Variants in OR5AS1 observed in about 807,000 individuals in gnomAD.
The protein encoded by OR5AS1 is olfactory receptor 5AS1.
For synonymous variants in OR5AS1, 196 were observed against 141.7 expected (o/e 1.38, Z -2.72); for missense variants, 492 against 378.2 (o/e 1.30, Z -2.50).
chr11:56,030,008 A>G (rs150762146), intron 1 of OR5AS1, among the ~76,000 whole-genome samples: 83 of 152,216 alleles, frequency 5.5e-4, no homozygotes, highest in Non-Finnish European at 8.4e-4. Flanking sequence ...CTTTATGTAG[A>G]AGAATGTGAT....
In OR5AS1 at chr11:56,031,435, A is replaced by C. The variant is rs1853350966; in HGVS notation, c.*42A>C. On this transcript the variant is annotated 3_prime_UTR_variant, in exon 2 of 2. Coordinates refer to ENST00000641320, the MANE Select transcript of OR5AS1 (RefSeq NM_001001921.2). ...CATAAACAGCAATTATGCCATGAACATCTTATGTGTTAACTATTTTAAATT... is the reference window on the plus strand; with the variant it reads ...CATAAACAGCAATTATGCCATGAACCTCTTATGTGTTAACTATTTTAAATT... The C allele has an allele frequency of 7.5e-7, 1 of 1,334,330 alleles. No homozygotes were observed. The highest frequency in any genetic ancestry group is 2.3e-5 in the East Asian group (1 of 43,278). The allele number at this position is 1,334,330 out of a possible 1,614,324, so 82.7% of individuals were successfully genotyped here.
Position 56,030,581 on chromosome 11 carries a change from C to A in OR5AS1, c.163C>A (p.Leu55Ile). 6.5e-7 allele frequency: 1 copy of A among 1,546,162 alleles called. No homozygotes were observed. Among genetic ancestry groups the A allele is most frequent in the Non-Finnish European group, 8.7e-7 (1 of 1,146,474 alleles). Reference protein sequence around the residue: ...LIILVNINSSLQIPMYYFLSN... With the variant: ...LIILVNINSSIQIPMYYFLSN... ...AATTCTAGTTAATATTAATTCAAGCCTTCAAATTCCCATGTATTATTTTCT... is the reference window on the plus strand; with the variant it reads ...AATTCTAGTTAATATTAATTCAAGCATTCAAATTCCCATGTATTATTTTCT... Residue 55 changes from leucine (L) to isoleucine (I), a missense_variant, in exon 2 of 2, where the codon CTT becomes ATT. Transcript: ENST00000641320.
chr11:56,031,604 T>C lies in OR5AS1; in HGVS notation c.*211T>C, dbSNP rs545641708. 26 of 394,290 alleles carry C rather than the reference T, an allele frequency of 6.6e-5. No homozygotes were observed. The South Asian group carries it at 1.2e-3, about 17-fold the overall frequency. The allele number at this position is 394,290 out of a possible 1,614,324, so 24.4% of individuals were successfully genotyped here. Reference sequence around the variant, plus strand: ...ATAGTCATTATTTATATCCAATTAGTGTTTCTAAAATGCTTTGTACATTGA... The same window carrying C: ...ATAGTCATTATTTATATCCAATTAGCGTTTCTAAAATGCTTTGTACATTGA... On this transcript the variant is annotated 3_prime_UTR_variant, in exon 2 of 2. Coordinates refer to ENST00000641320, the MANE Select transcript of OR5AS1 (RefSeq NM_001001921.2).
rs201208480 is a variant in OR5AS1, at chr11:56,031,910, T to C, written c.*517T>C. 1.3e-5 allele frequency: 2 copies of C among 152,944 alleles called. No homozygotes were observed. Among genetic ancestry groups the C allele is most frequent in the East Asian group, 1.9e-4 (1 of 5,202 alleles). The allele number at this position is 152,944 out of a possible 1,614,324, so 9.5% of individuals were successfully genotyped here. ...GTAACCTCAGACATAAATTTAAGTA[T>C]GGATGGAGGGATGGATAGATGGATA... On this transcript the variant is annotated 3_prime_UTR_variant, in exon 2 of 2. Transcript: ENST00000641320.
chr11:56,030,908 T>C lies in OR5AS1; in HGVS notation c.490T>C (p.Phe164Leu), dbSNP rs1333462561. 4.3e-6 allele frequency: 7 copies of C among 1,614,050 alleles called. No homozygotes were observed. In the Admixed American group the frequency reaches 1.2e-4, roughly 27 times the overall value. The change falls in exon 2 of 2, where the codon TTC becomes CTC. Residue 164 changes from phenylalanine (F) to leucine (L), a missense_variant. Transcript: ENST00000641320. ...TTSLVHVCLTFRLSFCGSNIV... is the reference protein window; with the variant it reads ...TTSLVHVCLTLRLSFCGSNIV... ...ATCACTGGTCCATGTGTGCCTCACA[T>C]TCAGGCTGTCATTTTGTGGCTCCAA... is the stretch of plus-strand genomic sequence containing the variant.
chr11:56,029,073 C>T (rs1853322111), intron 1 of OR5AS1, among the ~76,000 whole-genome samples: 1 of 152,020 alleles, frequency 6.6e-6, no homozygotes, highest in African/African-American at 2.4e-5. Context: ...TCTGAGTTCA[C>T]AAAGAAGGCT....
Position 56,033,677 on chromosome 11 carries a change from G to A in OR5AS1, c.*2284G>A, listed in dbSNP as rs1319366284. 6.6e-6 allele frequency: 1 copy of A among 152,188 alleles called. No homozygotes were observed. The highest frequency in any genetic ancestry group is 2.4e-5 in the African/African-American group (1 of 41,386). 9.4% of individuals were successfully genotyped at this position (152,188 alleles called of 1,614,324 possible). A position where few individuals can be genotyped will look rare whatever the true frequency, so the allele number is the denominator to read the frequency against. ...TCCCCCTGAGACAGAGCACCTTAAG[G>A]AAGGGATGGCTGTGGGTGCAGCTTC... is the stretch of plus-strand genomic sequence containing the variant. On this transcript the variant is annotated 3_prime_UTR_variant, in exon 2 of 2. Coordinates refer to ENST00000641320, the MANE Select transcript of OR5AS1 (RefSeq NM_001001921.2).
rs1853352132 is a variant in OR5AS1 at position 56,031,559 on chromosome 11, A to G, written c.*166A>G. 1 of 517,920 alleles carries G rather than the reference A, an allele frequency of 1.9e-6. No homozygotes were observed. The highest frequency in any genetic ancestry group is 3.2e-5 in the South Asian group (1 of 31,636). The allele number at this position is 517,920 out of a possible 1,614,324, so 32.1% of individuals were successfully genotyped here. ...TGTTCTCTCCACAATTCTACTCTAT[A>G]AAACATTACCTAATTAAACATAGTC... On this transcript the variant is annotated 3_prime_UTR_variant, in exon 2 of 2. Transcript: ENST00000641320.
intron 1 of OR5AS1, among the ~76,000 whole-genome samples, chr11:56,029,900 A>T (rs1853330093): frequency 6.6e-6 from 1 of 152,106 alleles, no homozygotes; most frequent in African/African-American, 2.4e-5. Context: ...CATGCTCTTA[A>T]CTACCACGTT....
Position 56,036,970 on chromosome 11 carries a change from A to G in OR5AS1, c.*5577A>G, listed in dbSNP as rs907821739. 1 of 152,168 alleles carries G rather than the reference A, an allele frequency of 6.6e-6. No individual in the cohort carries two copies. The highest frequency in any genetic ancestry group is 1.9e-4 in the East Asian group (1 of 5,204). The allele number at this position is 152,168 out of a possible 1,614,324, so 9.4% of individuals were successfully genotyped here. Reference sequence around the variant, plus strand: ...TGCAAGGCTGGCTTAACATACGCAAATCAATAAACGTAACCCATCTCATAA... The same window carrying G: ...TGCAAGGCTGGCTTAACATACGCAAGTCAATAAACGTAACCCATCTCATAA... On this transcript the variant is annotated 3_prime_UTR_variant, in exon 2 of 2. Transcript: ENST00000641320.
chr11:56,031,014 T>C lies in OR5AS1; in HGVS notation c.596T>C (p.Leu199Pro), dbSNP rs1364149484. The stretch of plus-strand genomic sequence containing the variant: ...GACACTCAGATCAACCAGCTTCTGC[T>C]CTTTGCTTTGTGCAGCTTCATCCAG... Reference protein sequence around the residue: ...CTDTQINQLLLFALCSFIQTS... With the variant: ...CTDTQINQLLPFALCSFIQTS... The change falls in exon 2 of 2, where the codon CTC becomes CCC. Residue 199 changes from leucine (L) to proline (P), a missense_variant. Leu to Pro is a moderately conservative substitution (Grantham distance 98). Coordinates refer to ENST00000641320, the MANE Select transcript of OR5AS1 (RefSeq NM_001001921.2). The C allele has an allele frequency of 1.2e-6, 2 of 1,614,178 alleles. No individual in the cohort carries two copies. Among genetic ancestry groups the C allele is most frequent in the Non-Finnish European group, 1.7e-6 (2 of 1,180,032 alleles).
rs1330106101 is a variant in OR5AS1 at position 56,030,654 on chromosome 11, C to G, written c.236C>G (p.Pro79Arg). Residue 79 changes from proline (P) to arginine (R), a missense_variant, in exon 2 of 2, where the codon CCT (proline) becomes CGT (arginine). By Grantham distance (103) the Pro-to-Arg change is moderately radical. Transcript: ENST00000641320. ...ATCAGCTGTTCTACAGCAATCACTC[C>G]TAAAATGCTGGCAAACTTCTTGGCA... ...LDISCSTAIT[P>R]KMLANFLASR... is the part of the protein sequence containing the mutation. 3 of 1,579,488 alleles carry G rather than the reference C, an allele frequency of 1.9e-6. No individual in the cohort carries two copies. Among genetic ancestry groups the G allele is most frequent in the South Asian group, 2.3e-5 (2 of 85,646 alleles).
rs1853372158 is a variant in OR5AS1, at chr11:56,033,459, C to T, written c.*2066C>T. Reference sequence around the variant, plus strand: ...GTTGGAGGAGGAGAGTCCGCCATTGCTGAGGCTTCAGTAGGCAGTTTTCCC... The same window carrying T: ...GTTGGAGGAGGAGAGTCCGCCATTGTTGAGGCTTCAGTAGGCAGTTTTCCC... On this transcript the variant is annotated 3_prime_UTR_variant, in exon 2 of 2. Coordinates refer to ENST00000641320, the MANE Select transcript of OR5AS1 (RefSeq NM_001001921.2). 2 of 152,410 alleles carry T rather than the reference C, an allele frequency of 1.3e-5. No homozygotes were observed. Among genetic ancestry groups the T allele is most frequent in the Admixed American group, 1.3e-4 (2 of 15,290 alleles). The allele number at this position is 152,410 out of a possible 1,614,324, so 9.4% of individuals were successfully genotyped here.
Position 56,036,769 on chromosome 11 carries a change from A to G in OR5AS1, c.*5376A>G, listed in dbSNP as rs915007534. The G allele has an allele frequency of 6.6e-6, 1 of 152,144 alleles. No homozygotes were observed. The highest frequency in any genetic ancestry group is 1.5e-5 in the Non-Finnish European group (1 of 68,044). The allele number at this position is 152,144 out of a possible 1,614,324, so 9.4% of individuals were successfully genotyped here. A position where few individuals can be genotyped will look rare whatever the true frequency, so the allele number is the denominator to read the frequency against. On this transcript the variant is annotated 3_prime_UTR_variant, in exon 2 of 2. Transcript: ENST00000641320. ...GAGAGGCTCCTCCCTAACTCATTTT[A>G]TGCGGCCAGCATCATCCTGATATGA...
chr11:56,027,938 G>A (rs1452572516), intron 1 of OR5AS1, among the ~76,000 whole-genome samples: 5 of 134,190 alleles, frequency 3.7e-5, no homozygotes, highest in African/African-American at 1.0e-4. Flanking sequence ...AAAATGTCAC[G>A]CCCAATTCGT....
In OR5AS1 at chr11:56,033,092, G is replaced by C. The variant is rs556050015; in HGVS notation, c.*1699G>C. 17 of 152,386 alleles carry C rather than the reference G, an allele frequency of 1.1e-4. No homozygotes were observed. The highest frequency in any genetic ancestry group is 1.9e-4 in the Non-Finnish European group (13 of 68,274). The allele number at this position is 152,386 out of a possible 1,614,324, so 9.4% of individuals were successfully genotyped here. On this transcript the variant is annotated 3_prime_UTR_variant, in exon 2 of 2. Coordinates refer to ENST00000641320, the MANE Select transcript of OR5AS1 (RefSeq NM_001001921.2). The stretch of plus-strand genomic sequence containing the variant: ...TGCCATGAGGAACGGGTGCACTCTG[G>C]CCCAGATACTATGCTTTTCCCATCG...
chr11:56,031,234 G>A lies in OR5AS1; in HGVS notation c.816G>A (p.Lys272=). The A allele has an allele frequency of 6.2e-7, 1 of 1,613,590 alleles. No homozygotes were observed. Among genetic ancestry groups the A allele is most frequent in the South Asian group, 1.1e-5 (1 of 91,074 alleles). Residue 272 remains lysine (K), a synonymous_variant, in exon 2 of 2, where the codon AAG becomes AAA. Transcript: ENST00000641320. ...PTTSYSLDTD[K]VVAVFYTVVF... ...CTAGCTATTCCCTAGACACTGATAA[G>A]GTGGTGGCAGTGTTTTATACTGTTG...
Position 56,034,443 on chromosome 11 carries a change from G to T in OR5AS1, c.*3050G>T, listed in dbSNP as rs1330466894. 1.3e-5 allele frequency: 2 copies of T among 151,964 alleles called. No individual in the cohort carries two copies. The highest frequency in any genetic ancestry group is 1.5e-5 in the Non-Finnish European group (1 of 68,010). 9.4% of individuals were successfully genotyped at this position (151,964 alleles called of 1,614,324 possible). On this transcript the variant is annotated 3_prime_UTR_variant, in exon 2 of 2. Transcript: ENST00000641320. ...TAACCTGATGGAGCTGAAAAACACA[G>T]CACGAGAACTTCATGAAGCATACAC... is the stretch of plus-strand genomic sequence containing the variant.
chr11:56,031,180 G>C lies in OR5AS1; in HGVS notation c.762G>C (p.Ala254=), dbSNP rs146891393. The change falls in exon 2 of 2, where the codon GCG becomes GCC. Residue 254 remains alanine (A), a synonymous_variant. Coordinates refer to ENST00000641320, the MANE Select transcript of OR5AS1 (RefSeq NM_001001921.2). ...TAGCAGTCACCTTATTCTATGGAGC[G>C]CTCCTGTTTATGTACTTACAGCCCA... ...HLIAVTLFYG[A]LLFMYLQPTT... The C allele has an allele frequency of 6.2e-7, 1 of 1,613,900 alleles. No individual in the cohort carries two copies.
Sources: gnomAD v4.1 joint callset for allele counts (sites outside exome capture counted in the v4.1 genomes callset) on GRCh38, gnomAD v4.1.1 for gene constraint, MANE v1.5 for transcripts, NCBI Gene and HGNC (gene_info 2026-07-23, HGNC 2026-07-21) for gene names.